Variants in MBP observed in about 807,000 individuals in gnomAD.
MBP encodes myelin basic protein.
MBP carries 16 observed loss-of-function variants against 35.8 expected under a neutral mutation model. That is an observed-to-expected ratio of 0.45 (90% CI 0.30 to 0.68). The LOEUF (loss-of-function observed/expected upper bound fraction) is 0.68, where lower values mean the gene tolerates loss of function less well. MBP is among the 30% of genes least tolerant of loss of function. MBP has a pLI of 0.08. For synonymous variants in MBP, 143 were observed against 159.6 expected, an observed-to-expected ratio of 0.90 and a Z score of 0.78; for missense variants, 380 against 404.7, an observed-to-expected ratio of 0.94 and a Z score of 0.52.
chr18:77,059,626 G>T (rs2144757174), intron 3 of MBP, among the ~76,000 whole-genome samples: 1 of 151,936 alleles, frequency 6.6e-6, no homozygotes, highest in South Asian at 2.1e-4. Context: ...AAAATCAGGG[G>T]AATATTATTA....
At chr18:77,116,772 T>A (rs1222247323) in intron 1 of MBP, among the ~76,000 whole-genome samples, 1 of 152,048 alleles carries the variant, frequency 6.6e-6, no homozygotes, top group African/African-American at 2.4e-5. Flanking sequence ...GGCAGGAGAA[T>A]CTCTTGAACC....
chr18:77,087,760 G>T (rs76442662), intron 2 of MBP: 1 of 151,858 alleles, frequency 6.6e-6, no homozygotes, highest in African/African-American at 2.4e-5. Context: ...CCAGGCAGGC[G>T]CTGGGATGGG....
intron 2 of MBP, among the ~76,000 whole-genome samples, chr18:77,083,072 T>C (rs1284163728): frequency 6.6e-6 from 1 of 152,066 alleles, no homozygotes; most frequent in African/African-American, 2.4e-5. Context: ...CTCCTGGATT[T>C]GAACGATTCT....
At chr18:77,025,705 C>CTTTTTTTT (rs540022394) in intron 3 of MBP, among the ~76,000 whole-genome samples, 1,803 of 108,712 alleles carry the variant, frequency 0.017, 179 homozygotes, top group African/African-American at 0.055. Context: ...TATTGAAATA[C>CTTTTTTTT]TTTTTTTTTT....
At chr18:77,055,158 T>C (rs629945) in intron 3 of MBP, among the ~76,000 whole-genome samples, 149,589 of 152,294 alleles carry the variant, frequency 0.98, 73,535 homozygotes, top group East Asian at 1. Flanking sequence ...TGCGTGTCTG[T>C]ACCACCTTCT....
chr18:77,029,193 G>T (rs867862256), intron 3 of MBP, among the ~76,000 whole-genome samples: 18 of 138,740 alleles, frequency 1.3e-4, no homozygotes, highest in South Asian at 2.4e-4. Flanking sequence ...CGGATCACTC[G>T]CGGTTAGGAG....
chr18:77,052,324 C>A (rs940441395), intron 3 of MBP, among the ~76,000 whole-genome samples: 1 of 152,154 alleles, frequency 6.6e-6, no homozygotes, highest in Non-Finnish European at 1.5e-5. Context: ...AGCAGCATCC[C>A]GATCGGGGGG....
intron 2 of MBP, among the ~76,000 whole-genome samples, chr18:77,092,811 T>G (rs1975590488): frequency 1.3e-5 from 2 of 152,084 alleles, no homozygotes; most frequent in South Asian, 4.1e-4. Flanking sequence ...ATCGGCCGTT[T>G]CCTTCAGCAG....
chr18:76,988,280 A>C lies in MBP; in HGVS notation c.750+215T>G, dbSNP rs1175584621. Reference sequence around the variant, plus strand: ...GGCCTTGCAGGGCTGGGTCCCCGGCACAGAAGCAAGAGACCAGACCTTCCG... The same window carrying C: ...GGCCTTGCAGGGCTGGGTCCCCGGCCCAGAAGCAAGAGACCAGACCTTCCG... On this transcript the variant is annotated intron_variant, in intron 7 of 8. Transcript: ENST00000355994. This position sits in a 1 kb window ranked among gnomAD's most constrained non-coding sequence, Gnocchi z 5.2. 10 of 1,551,680 alleles carry C rather than the reference A, an allele frequency of 6.4e-6. No individual in the cohort carries two copies. The East Asian group carries it at 2.2e-4, about 34-fold the overall frequency.
In MBP at chr18:77,044,717, T is replaced by C. The variant is rs988939614; in HGVS notation, c.139+21581A>G. On this transcript the variant is annotated intron_variant, in intron 3 of 8. Coordinates refer to ENST00000355994, the MANE Select transcript of MBP (RefSeq NM_001025101.2). This position sits in a 1 kb window ranked among gnomAD's most constrained non-coding sequence, Gnocchi z 4.4. ...TAAACAAAGTCAGATCTGAAATGCT[T>C]AAAAGCAAATTAAACTTAACTCATA... Among the ~76,000 whole-genome samples, 2 of 152,188 alleles carry C rather than the reference T, an allele frequency of 1.3e-5. No homozygotes were observed. Among genetic ancestry groups the C allele is most frequent in the African/African-American group, 2.4e-5 (1 of 41,450 alleles).
chr18:76,985,631 C>G, intron 7 of MBP: 3 of 1,056,626 alleles, frequency 2.8e-6, no homozygotes, highest in Non-Finnish European at 3.4e-6. Context: ...GCACGGGGGG[C>G]GGCCGCATCC....
intron 1 of MBP, among the ~76,000 whole-genome samples, chr18:77,126,023 C>T (rs972676041): frequency 1.3e-5 from 2 of 152,130 alleles, no homozygotes; most frequent in African/African-American, 4.8e-5. Flanking sequence ...CAATTTTATA[C>T]AATCTCTTCC....
intron 2 of MBP, among the ~76,000 whole-genome samples, chr18:77,079,131 G>A (rs774243938): frequency 3.9e-4 from 59 of 152,224 alleles, no homozygotes; most frequent in Non-Finnish European, 6.2e-4. Flanking sequence ...AGAAGGAGAC[G>A]GTTCCAACGT....
intron 1 of MBP, chr18:77,127,348 C>A (rs1232775355): frequency 6.6e-6 from 1 of 152,140 alleles, no homozygotes; most frequent in Non-Finnish European, 1.5e-5. Flanking sequence ...CAAACCAAAC[C>A]AAAACAAATA....
Position 76,979,884 on chromosome 18 carries a change from A to G in MBP, c.*543T>C. On this transcript the variant is annotated 3_prime_UTR_variant, in exon 9 of 9. Coordinates refer to ENST00000355994, the MANE Select transcript of MBP (RefSeq NM_001025101.2). ...CATGTCACATACCAAAAGCTCCCAC[A>G]TGTAGTAAGCCACTCCTTGACTGTC... The G allele has an allele frequency of 1.4e-6, 1 of 692,862 alleles. No homozygotes were observed. Among genetic ancestry groups the G allele is most frequent in the Non-Finnish European group, 2.6e-6 (1 of 381,094 alleles). 42.9% of individuals were successfully genotyped at this position (692,862 alleles called of 1,614,324 possible). A position where few individuals can be genotyped will look rare whatever the true frequency, so the allele number is the denominator to read the frequency against.
chr18:77,047,238 C>G (rs1204598756), intron 3 of MBP, among the ~76,000 whole-genome samples: 4 of 152,230 alleles, frequency 2.6e-5, no homozygotes, highest in Non-Finnish European at 5.9e-5. Flanking sequence ...GCCACCTGAA[C>G]ATCCGTGAGC....
At chr18:77,000,131 G>A (rs1197346154) in intron 4 of MBP, among the ~76,000 whole-genome samples, 1 of 152,144 alleles carries the variant, frequency 6.6e-6, no homozygotes. Context: ...ATTAAAAAAA[G>A]ACCTGATTTT....
chr18:77,115,616 G>C (rs1481171615), intron 1 of MBP: 2 of 152,226 alleles, frequency 1.3e-5, no homozygotes, highest in African/African-American at 4.8e-5. Flanking sequence ...CCCATCTTCT[G>C]ATCAGTGCCA....
intron 4 of MBP, among the ~76,000 whole-genome samples, chr18:77,008,295 A>G (rs945354032): frequency 6.6e-6 from 1 of 152,076 alleles, no homozygotes; most frequent in Non-Finnish European, 1.5e-5. Context: ...ATGCAGCCCC[A>G]TCTTGGTCTC....
Sources: gnomAD v4.1 joint callset for allele counts (sites outside exome capture counted in the v4.1 genomes callset) on GRCh38, gnomAD v4.1.1 for gene constraint, Gnocchi (gnomAD v3.1) non-coding constraint, MANE v1.5 for transcripts, NCBI Gene and HGNC (gene_info 2026-07-23, HGNC 2026-07-21) for gene names.